The following CAT variants were observed in gnomAD, a reference collection of about 807,000 sequenced individuals.
CAT encodes the protein epididymis secretory sperm binding protein.
In CAT, 43 loss-of-function variants were observed where a neutral mutation model predicts 59.0. The ratio of observed to expected loss-of-function variants is 0.73; its 90% CI spans 0.57 to 0.94. The LOEUF (loss-of-function observed/expected upper bound fraction) is 0.94. Among genes scored for constraint, CAT ranks in the 40% least tolerant of loss-of-function variants. The pLI is 0.00. For missense variants in CAT, 664 were observed against 682.9 expected (o/e 0.97, Z 0.31); for synonymous variants, 218 against 230.9 (o/e 0.94, Z 0.51).
At chr11:34,457,780 T>C (rs779367578) in intron 8 of CAT, among the ~76,000 whole-genome samples, 11 of 152,246 alleles carry the variant, frequency 7.2e-5, no homozygotes, top group Non-Finnish European at 1.5e-4. Context: ...TTTTAGACTG[T>C]GACCTTGAAA....
At chr11:34,467,161 A>G (rs1269027138) in intron 10 of CAT, among the ~76,000 whole-genome samples, 1 of 152,226 alleles carries the variant, frequency 6.6e-6, no homozygotes, top group African/African-American at 2.4e-5. Context: ...TATTAAGACA[A>G]TAGGATATGA....
In CAT at chr11:34,471,473, A is replaced by G. The variant is rs745524631; in HGVS notation, c.*40A>G. The G allele has an allele frequency of 6.5e-7, 1 of 1,548,112 alleles. No homozygotes were observed. Among genetic ancestry groups the G allele is most frequent in the South Asian group, 1.1e-5 (1 of 89,826 alleles). ...ACCTGTGCAGCGAAGCTTAGCGTTC[A>G]TCCGTGTAACCCGCTCATCACTGGA... On this transcript the variant is annotated 3_prime_UTR_variant, in exon 13 of 13. Coordinates refer to ENST00000241052, the MANE Select transcript of CAT (RefSeq NM_001752.4).
intron 9 of CAT, among the ~76,000 whole-genome samples, chr11:34,461,892 A>G (rs1319435362): frequency 6.6e-6 from 1 of 152,170 alleles, no homozygotes; most frequent in African/African-American, 2.4e-5. Flanking sequence ...ATTAGCAGGG[A>G]AGGCTGGGGA....
intron 1 of CAT, among the ~76,000 whole-genome samples, chr11:34,446,106 A>G (rs1373225750): frequency 1.3e-5 from 2 of 152,126 alleles, no homozygotes; most frequent in Admixed American, 1.3e-4. Context: ...TCTATCTTTC[A>G]GTTTAGATCA....
Position 34,449,200 on chromosome 11 carries a change from T to C in CAT, c.75T>C (p.Asp25=). ...WKEQRAAQKA[D]VLTTGAGNPV... ...TTTCTGTGTTCCTGTAGAAAGCTGA[T>C]GTCCTGACCACTGGAGCTGGTAACC... Residue 25 remains aspartate (D), a synonymous_variant, in exon 2 of 13, where the codon GAT becomes GAC. Transcript: ENST00000241052. 1 of 1,614,146 alleles carries C rather than the reference T, an allele frequency of 6.2e-7. No homozygotes were observed. Among genetic ancestry groups the C allele is most frequent in the Non-Finnish European group, 8.5e-7 (1 of 1,179,946 alleles).
intron 11 of CAT, among the ~76,000 whole-genome samples, chr11:34,469,342 G>A (rs1212183230): frequency 2.6e-5 from 4 of 152,226 alleles, no homozygotes; most frequent in African/African-American, 2.4e-5. Context: ...GAATGGATAC[G>A]ACAGCTTGTA....
chr11:34,464,091 G>C lies in CAT; in HGVS notation c.1196-14G>C, dbSNP rs1179605435. The stretch of plus-strand genomic sequence containing the variant: ...TCTTATTCCTAAGTGCATCTGGGTG[G>C]TTTTGTTTTGAAGGTGGTGCTCCAA... On this transcript the variant is annotated splice_polypyrimidine_tract_variant and intron_variant, in intron 9 of 12. Transcript: ENST00000241052. 6.2e-7 allele frequency: 1 copy of C among 1,614,144 alleles called. No homozygotes were observed. Among genetic ancestry groups the C allele is most frequent in the Non-Finnish European group, 8.5e-7 (1 of 1,180,020 alleles).
intron 6 of CAT, 140 bp downstream of exon 6, chr11:34,454,066 T>C (rs1195784658): frequency 5.9e-6 from 5 of 847,598 alleles, no homozygotes; most frequent in East Asian, 2.6e-5. Flanking sequence ...ATTGATCTCA[T>C]TGATCAGTAC....
At position 34,453,909 on chromosome 11, in the gene CAT, T is replaced by C. The variant is rs767190535; in HGVS notation, c.694T>C (p.Cys232Arg). The stretch of plus-strand genomic sequence containing the variant: ...TAATGCAAATGGGGAGGCAGTTTAT[T>C]GCAAATTCCATTATAAGGTATGTGT... ...LVNANGEAVY[C>R]KFHYKTDQGI... Residue 232 changes from cysteine to arginine, a missense_variant, in exon 6 of 13, where the codon TGC (cysteine) becomes CGC (arginine). Cys to Arg is a radical substitution (Grantham distance 180). Transcript: ENST00000241052. 2.9e-5 allele frequency: 46 copies of C among 1,613,864 alleles called. No homozygotes were observed. Among genetic ancestry groups the C allele is most frequent in the Non-Finnish European group, 3.9e-5 (46 of 1,179,864 alleles).
intron 11 of CAT, chr11:34,470,752 C>T (rs796086873): frequency 1.3e-4 from 82 of 627,782 alleles, no homozygotes; most frequent in African/African-American, 1.1e-3. Flanking sequence ...GTGACCTATC[C>T]GAGGTTGCTC....
chr11:34,451,941 C>T, intron 3 of CAT, 136 bp from the exon 4 acceptor site: 1 of 826,432 alleles, frequency 1.2e-6, no homozygotes, highest in Non-Finnish European at 2.1e-6. Flanking sequence ...AAATAATAAC[C>T]CGGGCACTTA....
At chr11:34,442,990 A>G (rs924124664) in intron 1 of CAT, among the ~76,000 whole-genome samples, 4 of 152,226 alleles carry the variant, frequency 2.6e-5, no homozygotes, top group African/African-American at 7.2e-5. Flanking sequence ...GGCAATGGAC[A>G]TGCAACATAA....
At chr11:34,449,761 A>G (rs1327548114) in intron 2 of CAT, among the ~76,000 whole-genome samples, 1 of 152,200 alleles carries the variant, frequency 6.6e-6, no homozygotes, top group Non-Finnish European at 1.5e-5. Context: ...ACATCATCAA[A>G]CTTCTAAATA....
Position 34,470,990 on chromosome 11 carries a change from C to G in CAT, c.1467C>G (p.Tyr489Ter), listed in dbSNP as rs753996249. 2 of 1,614,002 alleles carry G rather than the reference C, an allele frequency of 1.2e-6. No homozygotes were observed. The highest frequency in any genetic ancestry group is 1.7e-6 in the Non-Finnish European group (2 of 1,179,998). The change falls in exon 12 of 13, where the codon TAC becomes TAG. Residue 489 changes from tyrosine (Y) to a stop codon, truncating the protein, a stop_gained. Coordinates refer to ENST00000241052, the MANE Select transcript of CAT (RefSeq NM_001752.4). LOFTEE classifies it high-confidence loss of function. Reference protein sequence around the residue: ...VKNFTEVHPDYGSHIQALLDK... With the variant: ...VKNFTEVHPD ...ACTTCACTGAGGTCCACCCTGACTA[C>G]GGGAGCCACATCCAGGCTCTTCTGG...
chr11:34,469,385 C>G (rs981411673), intron 11 of CAT, among the ~76,000 whole-genome samples: 1 of 152,178 alleles, frequency 6.6e-6, no homozygotes, highest in African/African-American at 2.4e-5. Flanking sequence ...CCTTGGCATT[C>G]TCCTTTCACA....
intron 4 of CAT, among the ~76,000 whole-genome samples, chr11:34,452,868 A>AG (rs1554937213): frequency 6.6e-6 from 1 of 151,696 alleles, no homozygotes; most frequent in Non-Finnish European, 1.5e-5. Flanking sequence ...AAAAAAAAAA[A>AG]GAAAAGACTA....
intron 8 of CAT, among the ~76,000 whole-genome samples, chr11:34,458,371 A>G (rs1441501966): frequency 6.6e-6 from 1 of 152,108 alleles, no homozygotes; most frequent in Non-Finnish European, 1.5e-5. Flanking sequence ...CAGTTTTGAG[A>G]AGTGTGGTCT....
intron 10 of CAT, 106 bp from the exon 11 acceptor site, chr11:34,468,182 T>G (rs573821512): frequency 1.2e-6 from 1 of 863,668 alleles, no homozygotes; most frequent in South Asian, 1.3e-5. Flanking sequence ...ATTCTTAACT[T>G]CTAAAGTTTT....
At chr11:34,439,778 G>C (rs1349701089) in intron 1 of CAT, among the ~76,000 whole-genome samples, 2 of 152,174 alleles carry the variant, frequency 1.3e-5, no homozygotes, top group African/African-American at 4.8e-5. Context: ...CAACACCCTT[G>C]AGAAGCTGAG....
Sources: gnomAD v4.1 joint callset for allele counts (sites outside exome capture counted in the v4.1 genomes callset) on GRCh38, gnomAD v4.1.1 for gene constraint, MANE v1.5 for transcripts, NCBI Gene and HGNC (gene_info 2026-07-23, HGNC 2026-07-21) for gene names.